The following MTHFD2L variants were observed in gnomAD, a reference collection of about 807,000 sequenced individuals.
The protein encoded by MTHFD2L is bifunctional methylenetetrahydrofolate dehydrogenase/cyclohydrolase 2, mitochondrial.
In MTHFD2L, 29 loss-of-function variants were observed where a neutral mutation model predicts 34.9. The ratio of observed to expected loss-of-function variants is 0.83; its 90% CI spans 0.62 to 1.13. The LOEUF is 1.13. Ranked by LOEUF, MTHFD2L falls within the 50% of genes most tolerant of loss-of-function variation. MTHFD2L has a pLI of 0.00. For missense variants in MTHFD2L, 481 were observed against 446.5 expected (o/e 1.08, Z -0.70); for synonymous variants, 167 against 155.7 (o/e 1.07, Z -0.54).
At chr4:74,132,453 C>T (rs1204166449) in intron 1 of MTHFD2L, among the ~76,000 whole-genome samples, 1 of 152,112 alleles carries the variant, frequency 6.6e-6, no homozygotes. Context: ...ATGGGTGAAG[C>T]TAGAAACCAT....
At chr4:74,273,129 C>T (rs887652887) in intron 6 of MTHFD2L, among the ~76,000 whole-genome samples, 4 of 152,086 alleles carry the variant, frequency 2.6e-5, no homozygotes, top group African/African-American at 9.7e-5. Context: ...AAAACTATTC[C>T]TGATGTCCCT....
intron 7 of MTHFD2L, among the ~76,000 whole-genome samples, chr4:74,288,695 T>C (rs1003529053): frequency 1.3e-5 from 2 of 152,160 alleles, no homozygotes; most frequent in African/African-American, 2.4e-5. Flanking sequence ...TTTGGTGAAA[T>C]CCTAGTGTCA....
intron 6 of MTHFD2L, among the ~76,000 whole-genome samples, chr4:74,262,712 TTGA>T (rs1744826245): frequency 6.6e-6 from 1 of 151,930 alleles, no homozygotes; most frequent in African/African-American, 2.4e-5. Context: ...AATGAAAAGC[TTGA>T]TGATATCAAA....
chr4:74,251,581 A>G (rs1168141672), intron 6 of MTHFD2L, among the ~76,000 whole-genome samples: 3 of 152,142 alleles, frequency 2.0e-5, no homozygotes, highest in Admixed American at 6.5e-5. Flanking sequence ...CACCTGATGT[A>G]CTTATAGCTC....
At chr4:74,191,066 A>G (rs968629744) in intron 3 of MTHFD2L, among the ~76,000 whole-genome samples, 2 of 151,844 alleles carry the variant, frequency 1.3e-5, no homozygotes, top group African/African-American at 2.4e-5. Flanking sequence ...ATGCCCATCT[A>G]ATTTTAGTAT....
chr4:74,272,277 G>C (rs1282097920), intron 6 of MTHFD2L, among the ~76,000 whole-genome samples: 1 of 152,118 alleles, frequency 6.6e-6, no homozygotes, highest in East Asian at 1.9e-4. Flanking sequence ...TGGACATAAG[G>C]AATGTTTAGG....
intron 1 of MTHFD2L, among the ~76,000 whole-genome samples, chr4:74,128,006 G>T (rs191770833): frequency 5.3e-5 from 8 of 152,138 alleles, no homozygotes; most frequent in African/African-American, 1.9e-4. Context: ...TAGTGATGTT[G>T]AGTATTTTTT....
intron 6 of MTHFD2L, among the ~76,000 whole-genome samples, chr4:74,274,935 GC>G (rs1310568130): frequency 1.3e-5 from 2 of 152,064 alleles, no homozygotes; most frequent in Non-Finnish European, 2.9e-5. Flanking sequence ...TTGTTTCAAA[GC>G]AAGTCTTTAT....
intron 1 of MTHFD2L, among the ~76,000 whole-genome samples, chr4:74,147,221 C>T (rs574116778): frequency 2.6e-5 from 4 of 151,826 alleles, no homozygotes; most frequent in Non-Finnish European, 5.9e-5. Flanking sequence ...TTTTTTCTCC[C>T]ATGCTCACCT....
At chr4:74,232,658 C>A (rs970133247) in intron 6 of MTHFD2L, among the ~76,000 whole-genome samples, 1 of 152,120 alleles carries the variant, frequency 6.6e-6, no homozygotes, top group African/African-American at 2.4e-5. Context: ...AGGGAAAGAA[C>A]CTTAATCCCA....
rs371560208 is a variant in MTHFD2L at position 74,200,450 on chromosome 4, G to A, written c.604+504G>A. Among the ~76,000 whole-genome samples, 30 of 152,112 alleles carry A rather than the reference G, an allele frequency of 2.0e-4. No individual in the cohort carries two copies. In the South Asian group the frequency reaches 2.1e-3, roughly 11 times the overall value. On this transcript the variant is annotated intron_variant, in intron 4 of 7. Transcript: ENST00000325278. The stretch of plus-strand genomic sequence containing the variant: ...TTTCCACATAGTAGTGGTATATGTC[G>A]GCCTTTAAAATGTAAACTTCATGCA...
chr4:74,173,991 A>G (rs1728534181), intron 1 of MTHFD2L, among the ~76,000 whole-genome samples: 1 of 152,228 alleles, frequency 6.6e-6, no homozygotes, highest in South Asian at 2.1e-4. Context: ...AAACAAATGA[A>G]TTTCTTATAG....
chr4:74,162,828 G>A (rs957032325), intron 1 of MTHFD2L, among the ~76,000 whole-genome samples: 17 of 151,880 alleles, frequency 1.1e-4, no homozygotes, highest in South Asian at 2.1e-4. Context: ...TCATCTTTCC[G>A]GTGTTCTTCT....
chr4:74,148,090 A>T (rs909659145), intron 1 of MTHFD2L, among the ~76,000 whole-genome samples: 3 of 152,108 alleles, frequency 2.0e-5, no homozygotes, highest in African/African-American at 7.2e-5. Flanking sequence ...ATGGATATCC[A>T]GTTTTCCTAA....
intron 5 of MTHFD2L, among the ~76,000 whole-genome samples, chr4:74,210,270 T>C (rs1033495342): frequency 6.6e-6 from 1 of 152,244 alleles, no homozygotes; most frequent in African/African-American, 2.4e-5. Context: ...TGCCCATGCC[T>C]ATGTCCCAAA....
At chr4:74,125,650 A>T (rs1438757360) in intron 1 of MTHFD2L, 3 of 152,022 alleles carry the variant, frequency 2.0e-5, no homozygotes, top group Non-Finnish European at 4.4e-5. Flanking sequence ...TTTTGCTTCT[A>T]TTTAAAAGCT....
At chr4:74,289,839 G>A (rs1748655709) in intron 7 of MTHFD2L, among the ~76,000 whole-genome samples, 1 of 152,128 alleles carries the variant, frequency 6.6e-6, no homozygotes, top group South Asian at 2.1e-4. Flanking sequence ...AAGAGTGGAG[G>A]TGCCAGTTCT....
At chr4:74,290,535 A>C (rs1412236332) in intron 7 of MTHFD2L, among the ~76,000 whole-genome samples, 3 of 152,154 alleles carry the variant, frequency 2.0e-5, no homozygotes, top group Non-Finnish European at 4.4e-5. Context: ...AGATTGTGAT[A>C]ATAATTTCCA....
intron 5 of MTHFD2L, among the ~76,000 whole-genome samples, chr4:74,224,304 T>G (rs1417205912): frequency 6.6e-6 from 1 of 152,168 alleles, no homozygotes; most frequent in Non-Finnish European, 1.5e-5. Flanking sequence ...ATTTCAGAGA[T>G]CTGCCGCTGC....
Sources: allele counts gnomAD v4.1 joint callset (sites outside exome capture counted in the v4.1 genomes callset), GRCh38; gene constraint gnomAD v4.1.1; transcripts MANE v1.5; gene names NCBI Gene and HGNC (gene_info 2026-07-23, HGNC 2026-07-21).